Variants in MELK observed in about 807,000 individuals in gnomAD.
The protein encoded by MELK is maternal embryonic leucine zipper kinase.
Under a neutral mutation model 85.0 loss-of-function variants are expected in MELK, and 81 were observed. That is an observed-to-expected ratio of 0.95 (90% CI 0.80 to 1.15). The LOEUF (loss-of-function observed/expected upper bound fraction) is 1.15. MELK is among the 50% of genes most tolerant of loss of function. The pLI, the probability that MELK is intolerant of heterozygous loss-of-function variation, is 0.00. For missense variants in MELK, 754 were observed against 777.5 expected (o/e 0.97, Z 0.36); for synonymous variants, 252 against 265.0 (o/e 0.95, Z 0.48).
chr9:36,607,397 T>C (rs138359035), intron 7 of MELK, among the ~76,000 whole-genome samples, 178 bp from the exon 8 acceptor site: 479 of 152,350 alleles, frequency 3.1e-3, no homozygotes, highest in Middle Eastern at 0.017. Flanking sequence ...TGGGTGACTT[T>C]AGGCAAGCCT....
chr9:36,607,693 G>A lies in MELK; in HGVS notation c.666+20G>A. ...ATTATGGTGAGTATTACAAGGCATAGAATTTCAATGTAGAACTTTTCTATA... is the reference window on the plus strand; with the variant it reads ...ATTATGGTGAGTATTACAAGGCATAAAATTTCAATGTAGAACTTTTCTATA... On this transcript the variant is annotated intron_variant, in intron 8 of 17. Coordinates refer to ENST00000298048, the MANE Select transcript of MELK (RefSeq NM_014791.4). 1 of 1,498,450 alleles carries A rather than the reference G, an allele frequency of 6.7e-7. No individual in the cohort carries two copies. The highest frequency in any genetic ancestry group is 9.3e-7 in the Non-Finnish European group (1 of 1,076,544). 92.8% of individuals were successfully genotyped at this position (1,498,450 alleles called of 1,614,324 possible). A position where few individuals can be genotyped will look rare whatever the true frequency, so the allele number is the denominator to read the frequency against.
intron 13 of MELK, among the ~76,000 whole-genome samples, chr9:36,659,783 T>C (rs971425742): frequency 1.3e-5 from 2 of 152,152 alleles, no homozygotes; most frequent in Non-Finnish European, 2.9e-5. Context: ...TAGATCCTTC[T>C]AAAGTGTTTT....
chr9:36,583,939 C>T (rs1260744993), intron 3 of MELK, among the ~76,000 whole-genome samples: 1 of 152,204 alleles, frequency 6.6e-6, no homozygotes, highest in Non-Finnish European at 1.5e-5. Context: ...TAGCATCCAT[C>T]TGCAGTCTGT....
intron 1 of MELK, among the ~76,000 whole-genome samples, chr9:36,578,996 C>G (rs1238298606): frequency 6.6e-6 from 1 of 150,770 alleles, no homozygotes; most frequent in Non-Finnish European, 1.5e-5. Flanking sequence ...GCGCACACCA[C>G]AAGGCCTGGC....
chr9:36,614,894 C>T (rs1431216973), intron 8 of MELK, among the ~76,000 whole-genome samples: 13 of 148,144 alleles, frequency 8.8e-5, no homozygotes, highest in Admixed American at 8.0e-4. Context: ...ACCTTTCCCG[C>T]CTTTCTATTC....
At chr9:36,662,265 T>A (rs2137703913) in intron 13 of MELK, among the ~76,000 whole-genome samples, 1 of 150,748 alleles carries the variant, frequency 6.6e-6, no homozygotes, top group East Asian at 1.9e-4. Context: ...TTTTTTAAGA[T>A]GGAATCTTGC....
intron 7 of MELK, among the ~76,000 whole-genome samples, chr9:36,603,215 T>C (rs1825115091): frequency 1.3e-5 from 2 of 152,176 alleles, no homozygotes; most frequent in African/African-American, 4.8e-5. Flanking sequence ...ACTTACTAAA[T>C]GATGCAGAGC....
chr9:36,631,083 C>A (rs911049887), intron 9 of MELK, among the ~76,000 whole-genome samples: 8 of 151,766 alleles, frequency 5.3e-5, no homozygotes, highest in Non-Finnish European at 1.0e-4. Context: ...CCTGCCTCAG[C>A]CTCCTGAGTA....
At chr9:36,674,716 G>T in intron 16 of MELK, 118 bp from the exon 17 acceptor site, 1 of 501,798 alleles carries the variant, frequency 2.0e-6, no homozygotes. Flanking sequence ...TATTTTTTAG[G>T]AAATAGTTCC....
intron 3 of MELK, among the ~76,000 whole-genome samples, chr9:36,585,410 G>A (rs1822789924): frequency 7.1e-6 from 1 of 141,818 alleles, no homozygotes; most frequent in Admixed American, 7.5e-5. Flanking sequence ...GGGTTCAAAT[G>A]ATTCTCCTGC....
chr9:36,651,654 ATGT>A, intron 11 of MELK, 89 bp from the exon 12 acceptor site: 1 of 1,460,320 alleles, frequency 6.8e-7, no homozygotes, highest in Non-Finnish European at 9.3e-7. Context: ...AAAGTTCTGA[ATGT>A]TACACTGAAG....
rs1012185357 is a variant in MELK, at chr9:36,655,482, G to A, written c.1054-1759G>A. 3.3e-5 allele frequency among the ~76,000 whole-genome samples: 5 copies of A among 150,298 alleles called. 1 individual carries two copies. Among genetic ancestry groups the A allele is most frequent in the Admixed American group, 2.0e-4 (3 of 15,006 alleles). On this transcript the variant is annotated intron_variant, in intron 12 of 17. Transcript: ENST00000298048. Reference sequence around the variant, plus strand: ...AGAGAGAGAGAGAGAGAGAGAGAACGCAAGTGAGCTGGAAGGGTGGACAAG... The same window carrying A: ...AGAGAGAGAGAGAGAGAGAGAGAACACAAGTGAGCTGGAAGGGTGGACAAG...
intron 11 of MELK, among the ~76,000 whole-genome samples, chr9:36,649,717 C>T (rs553231304): frequency 4.7e-4 from 71 of 151,992 alleles, no homozygotes; most frequent in African/African-American, 1.3e-3. Context: ...TGTAGTGAGC[C>T]GTGATTGCAC....
chr9:36,625,290 G>A (rs1827821499), intron 8 of MELK, among the ~76,000 whole-genome samples: 1 of 152,196 alleles, frequency 6.6e-6, no homozygotes, highest in Non-Finnish European at 1.5e-5. Flanking sequence ...ACCCTGGCAA[G>A]AGCAAGCTGA....
rs552026199 is a variant in MELK at position 36,612,157 on chromosome 9, G to A, written c.666+4484G>A. On this transcript the variant is annotated intron_variant, in intron 8 of 17. Coordinates refer to ENST00000298048, the MANE Select transcript of MELK (RefSeq NM_014791.4). ...GTCACCCAGGCTGGAGTGCAATGGC[G>A]CGATCTTAGCTCATTGCAACCTCCG... Among the ~76,000 whole-genome samples the A allele has an allele frequency of 4.6e-5, 7 of 151,824 alleles. No homozygotes were observed. In the South Asian group the frequency reaches 8.3e-4, roughly 18 times the overall value.
chr9:36,664,846 C>T (rs545528804), intron 13 of MELK, among the ~76,000 whole-genome samples: 1 of 152,274 alleles, frequency 6.6e-6, no homozygotes, highest in Non-Finnish European at 1.5e-5. Context: ...CTTGGTTACT[C>T]CTTTGGATTC....
intron 3 of MELK, among the ~76,000 whole-genome samples, chr9:36,584,718 GC>G (rs1284918609): frequency 2.5e-4 from 36 of 145,184 alleles, no homozygotes; most frequent in African/African-American, 9.1e-4. Flanking sequence ...TTATGTCCTA[GC>G]TTTTTTTTTT....
At chr9:36,634,830 C>T (rs1252421412) in intron 10 of MELK, among the ~76,000 whole-genome samples, 4 of 151,530 alleles carry the variant, frequency 2.6e-5, no homozygotes, top group African/African-American at 9.7e-5. Flanking sequence ...AACTCTGTCT[C>T]TACTAAAAAT....
At chr9:36,628,566 C>T (rs1037879263) in intron 8 of MELK, among the ~76,000 whole-genome samples, 4 of 151,554 alleles carry the variant, frequency 2.6e-5, no homozygotes, top group Admixed American at 6.6e-5. Flanking sequence ...ACTACAGGTG[C>T]GTGCCACCAC....
Sources: allele counts gnomAD v4.1 joint callset (sites outside exome capture counted in the v4.1 genomes callset), GRCh38; gene constraint gnomAD v4.1.1; transcripts MANE v1.5; gene names NCBI Gene and HGNC (gene_info 2026-07-23, HGNC 2026-07-21).